GRID2IP: variants seen among roughly 807,000 people sequenced by gnomAD.
The protein encoded by GRID2IP is Grid2 interacting protein, also known as delphilin.
GRID2IP carries 78 observed loss-of-function variants against 114.3 expected under a neutral mutation model. The ratio of observed to expected loss-of-function variants is 0.68; its 90% CI spans 0.57 to 0.82. The LOEUF (loss-of-function observed/expected upper bound fraction) is 0.82, where lower values mean the gene tolerates loss of function less well. GRID2IP is among the 40% of genes least tolerant of loss of function. The probability of loss-of-function intolerance (pLI) is 0.00; values close to 1 mark genes in which losing one functional copy is unlikely to be tolerated. For synonymous variants in GRID2IP, 809 were observed against 724.0 expected (o/e 1.12, Z -1.89); for missense variants, 1,727 against 1,678.5 (o/e 1.03, Z -0.51).
intron 20 of GRID2IP, among the ~76,000 whole-genome samples, chr7:6,500,412 C>T (rs529790581): frequency 7.2e-5 from 11 of 152,038 alleles, no homozygotes; most frequent in Non-Finnish European, 1.5e-4. Context: ...TGCAGTGAGC[C>T]GAGATCGCAC....
At chr7:6,549,632 G>A (rs1687785642) in intron 1 of GRID2IP, among the ~76,000 whole-genome samples, 3 of 151,984 alleles carry the variant, frequency 2.0e-5, no homozygotes, top group Admixed American at 2.0e-4. Flanking sequence ...GGGGAATGGC[G>A]GGGAGGGGAA....
intron 1 of GRID2IP, among the ~76,000 whole-genome samples, chr7:6,543,013 GC>G (rs1220873608): frequency 3.3e-5 from 5 of 151,986 alleles, no homozygotes; most frequent in African/African-American, 4.8e-5. Context: ...GGGCTGTCAG[GC>G]CCCGCCTCTC....
chr7:6,531,717 G>T (rs932883102), intron 2 of GRID2IP, among the ~76,000 whole-genome samples: 3 of 152,222 alleles, frequency 2.0e-5, no homozygotes, highest in Non-Finnish European at 2.9e-5. Flanking sequence ...GAATGCCGTG[G>T]TCAGCAGCTG....
At chr7:6,498,031 A>C (rs1786306793) in intron 21 of GRID2IP, 33 bp downstream of exon 21, 1 of 1,511,520 alleles carries the variant, frequency 6.6e-7, no homozygotes, top group African/African-American at 1.4e-5. Flanking sequence ...CCACCTCTCC[A>C]AAAGGGCCCC....
chr7:6,499,911 T>C (rs184595029), intron 20 of GRID2IP, among the ~76,000 whole-genome samples: 1 of 149,758 alleles, frequency 6.7e-6, no homozygotes, highest in Admixed American at 6.7e-5. Flanking sequence ...CAAATTATTC[T>C]GTAGAGACGC....
At chr7:6,529,959 CTCT>C (rs1285315126) in intron 2 of GRID2IP, among the ~76,000 whole-genome samples, 283 of 71,134 alleles carry the variant, frequency 4.0e-3, no homozygotes, top group African/African-American at 0.011. Flanking sequence ...CTCTCTCTCT[CTCT>C]TTTTTTTTTT....
rs1583347180 is a variant in GRID2IP, at chr7:6,526,874, C to T, written c.585-105G>A. The T allele has an allele frequency of 7.9e-7, 1 of 1,265,732 alleles. No homozygotes were observed. The highest frequency in any genetic ancestry group is 1.0e-6 in the Non-Finnish European group (1 of 978,058). 78.4% of individuals were successfully genotyped at this position (1,265,732 alleles called of 1,614,324 possible). A position where few individuals can be genotyped will look rare whatever the true frequency, so the allele number is the denominator to read the frequency against. On this transcript the variant is annotated intron_variant, in intron 2 of 21. Transcript: ENST00000457091. The surrounding 1 kb of genome is among the most constrained non-coding windows in gnomAD (Gnocchi z 7.6). Reference sequence around the variant, plus strand: ...GCGGGCGCCGCCCTAGGCTCTCCCACCTCTTCCTAGGAGTGGCGGAGGGCT... The same window carrying T: ...GCGGGCGCCGCCCTAGGCTCTCCCATCTCTTCCTAGGAGTGGCGGAGGGCT...
At chr7:6,533,451 T>C (rs1411192243) in intron 2 of GRID2IP, among the ~76,000 whole-genome samples, 1 of 152,018 alleles carries the variant, frequency 6.6e-6, no homozygotes, top group Non-Finnish European at 1.5e-5. Flanking sequence ...CTCAAATTCC[T>C]GGGCTTAAGT....
chr7:6,548,932 T>C (rs962713946), intron 1 of GRID2IP, among the ~76,000 whole-genome samples: 10 of 151,892 alleles, frequency 6.6e-5, no homozygotes, highest in African/African-American at 1.7e-4. Flanking sequence ...AGGGGTCCGA[T>C]AGCCAGGCAG....
intron 21 of GRID2IP, 70 bp downstream of exon 21, chr7:6,497,994 A>C: frequency 1.0e-5 from 15 of 1,457,420 alleles, no homozygotes; most frequent in Non-Finnish European, 1.3e-5. Context: ...GGCTTCATGG[A>C]GGATCCCTTC....
chr7:6,497,887 A>G (rs1372322601), intron 21 of GRID2IP, 42 bp from the exon 22 acceptor site: 1 of 1,514,804 alleles, frequency 6.6e-7, no homozygotes. Flanking sequence ...CAGTGGTCCC[A>G]GGAACCTGTG....
At chr7:6,515,291 C>T (rs973582654) in intron 7 of GRID2IP, among the ~76,000 whole-genome samples, 1 of 151,862 alleles carries the variant, frequency 6.6e-6, no homozygotes, top group African/African-American at 2.4e-5. Flanking sequence ...GTGAAACCCC[C>T]TCTCTACTAA....
intron 2 of GRID2IP, among the ~76,000 whole-genome samples, chr7:6,531,847 G>A (rs377655822): frequency 6.6e-6 from 1 of 152,204 alleles, no homozygotes; most frequent in Admixed American, 6.5e-5. Context: ...GTGACCCAGA[G>A]GGGGGTGTTG....
rs1779444636 is a variant in GRID2IP at position 6,523,138 on chromosome 7, G to A, written c.920-1181C>T. Among the ~76,000 whole-genome samples the A allele has an allele frequency of 6.6e-6, 1 of 152,120 alleles. No homozygotes were observed. The highest frequency in any genetic ancestry group is 6.6e-5 in the Admixed American group (1 of 15,248). ...TCTTTTATGAGTCATCATTCTAAAT[G>A]TAATTTGGAAAGTAGGGAAAATGAT... On this transcript the variant is annotated intron_variant, in intron 4 of 21. Coordinates refer to ENST00000457091, the MANE Select transcript of GRID2IP (RefSeq NM_001145118.2). This position sits in a 1 kb window ranked among gnomAD's most constrained non-coding sequence, Gnocchi z 4.5.
Position 6,526,188 on chromosome 7 carries a change from C to T in GRID2IP, c.919+36G>A, listed in dbSNP as rs1272720476. 9 of 1,522,988 alleles carry T rather than the reference C, an allele frequency of 5.9e-6. No homozygotes were observed. In the South Asian group the frequency reaches 9.6e-5, roughly 16 times the overall value. 94.3% of individuals were successfully genotyped at this position (1,522,988 alleles called of 1,614,324 possible). On this transcript the variant is annotated intron_variant, in intron 4 of 21. Transcript: ENST00000457091. This position sits in a 1 kb window ranked among gnomAD's most constrained non-coding sequence, Gnocchi z 7.6. ...CGGGGCCCTTCACCCCATCCTGGGC[C>T]TTAGGGACTCTTAGGGCAACCGGCC...
chr7:6,517,843 A>C (rs1005289769), intron 7 of GRID2IP, among the ~76,000 whole-genome samples: 2 of 152,024 alleles, frequency 1.3e-5, no homozygotes, highest in African/African-American at 4.8e-5. Flanking sequence ...GCAGAGGTTG[A>C]AGTGAGCCAA....
chr7:6,548,050 G>T (rs1158377932), intron 1 of GRID2IP, among the ~76,000 whole-genome samples: 1 of 152,098 alleles, frequency 6.6e-6, no homozygotes. Flanking sequence ...TAACTTAATT[G>T]TCCATTTTAA....
Position 6,551,092 on chromosome 7 carries a change from A to T in GRID2IP, c.345T>A (p.Arg115=). 7.6e-7 allele frequency: 1 copy of T among 1,316,712 alleles called. No homozygotes were observed. Among genetic ancestry groups the T allele is most frequent in the Non-Finnish European group, 9.6e-7 (1 of 1,037,530 alleles). The allele number at this position is 1,316,712 out of a possible 1,614,324, so 81.6% of individuals were successfully genotyped here. A position where few individuals can be genotyped will look rare whatever the true frequency, so the allele number is the denominator to read the frequency against. Residue 115 remains arginine, a synonymous_variant, in exon 1 of 22, where the codon CGT becomes CGA. Coordinates refer to ENST00000457091, the MANE Select transcript of GRID2IP (RefSeq NM_001145118.2). ...TGCGGCCGGCCAGGCGAAGCAGCTCACGGCCCAGAGCTAGGCCGCGGCCGC... is the reference window on the plus strand; with the variant it reads ...TGCGGCCGGCCAGGCGAAGCAGCTCTCGGCCCAGAGCTAGGCCGCGGCCGC... ...PRCGRGLALG[R]ELLRLAGRKR... is the part of the protein sequence containing the mutation.
At position 6,521,750 on chromosome 7, in the gene GRID2IP, T is replaced by A. The variant is rs375344877; in HGVS notation, c.989+138A>T. ...GGAGGGTTAGATTCAAGAGTTCCCATTGGAAGAGGGACAGACCCTGGGGAC... is the reference window on the plus strand; with the variant it reads ...GGAGGGTTAGATTCAAGAGTTCCCAATGGAAGAGGGACAGACCCTGGGGAC... On this transcript the variant is annotated intron_variant, in intron 5 of 21. Coordinates refer to ENST00000457091, the MANE Select transcript of GRID2IP (RefSeq NM_001145118.2). The surrounding 1 kb of genome is among the most constrained non-coding windows in gnomAD (Gnocchi z 4.1). The A allele has an allele frequency of 1.4e-6, 1 of 711,048 alleles. No individual in the cohort carries two copies. Among genetic ancestry groups the A allele is most frequent in the East Asian group, 2.7e-5 (1 of 36,788 alleles). 44.0% of individuals were successfully genotyped at this position (711,048 alleles called of 1,614,324 possible). A position where few individuals can be genotyped will look rare whatever the true frequency, so the allele number is the denominator to read the frequency against.
Sources: gnomAD v4.1 joint callset for allele counts (sites outside exome capture counted in the v4.1 genomes callset) on GRCh38, gnomAD v4.1.1 for gene constraint, Gnocchi (gnomAD v3.1) non-coding constraint, MANE v1.5 for transcripts, NCBI Gene and HGNC (gene_info 2026-07-23, HGNC 2026-07-21) for gene names.